DYNC2I1: variants seen among roughly 807,000 people sequenced by gnomAD.
DYNC2I1 encodes the protein cytoplasmic dynein 2 intermediate chain 1.
DYNC2I1 carries 89 observed loss-of-function variants against 133.4 expected under a neutral mutation model. That is an observed-to-expected ratio of 0.67 (90% CI 0.56 to 0.80). The LOEUF (loss-of-function observed/expected upper bound fraction) is 0.80, where lower values mean the gene tolerates loss of function less well. Among genes scored for constraint, DYNC2I1 ranks in the 30% least tolerant of loss-of-function variants. The probability of loss-of-function intolerance (pLI) is 0.00; values close to 1 mark genes in which losing one functional copy is unlikely to be tolerated. For missense variants in DYNC2I1, 1,291 were observed against 1,314.5 expected (o/e 0.98, Z 0.28); for synonymous variants, 504 against 484.3 (o/e 1.04, Z -0.54).
chr7:158,918,799 G>T lies in DYNC2I1; in HGVS notation c.1851G>T (p.Arg617Ser), dbSNP rs1848735279. ...CAGCTGAACCCAGCTGGAATCTTAG[G>T]GCTCAAGACAGGGCCCTGTATTTTA... ...RLAAEPSWNLRAQDRALYFSD... is the reference protein window; with the variant it reads ...RLAAEPSWNLSAQDRALYFSD... Residue 617 changes from arginine (R) to serine (S), a missense_variant, in exon 15 of 25, where the codon AGG (arginine) becomes AGT (serine). Coordinates refer to ENST00000407559, the MANE Select transcript of DYNC2I1 (RefSeq NM_018051.5). The T allele has an allele frequency of 6.2e-7, 1 of 1,613,864 alleles. No homozygotes were observed. The highest frequency in any genetic ancestry group is 2.2e-5 in the East Asian group (1 of 44,884).
intron 7 of DYNC2I1, among the ~76,000 whole-genome samples, chr7:158,890,005 CAA>C (rs35423707): frequency 0.085 from 5,725 of 67,686 alleles, 106 homozygotes; most frequent in African/African-American, 0.13. Flanking sequence ...GACTCCTTCT[CAA>C]AAAAAAAAAA....
rs141690311 is a variant in DYNC2I1 at position 158,888,850 on chromosome 7, CTGT to C, written c.990+1780_990+1782del. ...TTACATAAATTAGGTCATACAGCAC[CTGT>C]TGTTTTGACGTGGATGTTTTATTTC... On this transcript the variant is annotated intron_variant, in intron 7 of 24. Coordinates refer to ENST00000407559, the MANE Select transcript of DYNC2I1 (RefSeq NM_018051.5). 9.1e-3 allele frequency among the ~76,000 whole-genome samples: 1,390 copies of C among 152,200 alleles called. 10 individuals carry two copies. The highest frequency in any genetic ancestry group is 0.03 in the African/African-American group (1,262 of 41,534).
intron 4 of DYNC2I1, among the ~76,000 whole-genome samples, chr7:158,879,157 A>G (rs1269886744): frequency 3.9e-5 from 6 of 152,154 alleles, no homozygotes; most frequent in African/African-American, 1.2e-4. Context: ...GTGTCTGACC[A>G]TGGACCATGA....
chr7:158,933,740 A>G (rs1850459676), intron 21 of DYNC2I1, among the ~76,000 whole-genome samples: 1 of 152,264 alleles, frequency 6.6e-6, no homozygotes, highest in Non-Finnish European at 1.5e-5. Context: ...AGTCTGCTGC[A>G]GATGAGCTCA....
chr7:158,922,142 T>C (rs947229226), intron 15 of DYNC2I1, among the ~76,000 whole-genome samples: 4 of 152,126 alleles, frequency 2.6e-5, no homozygotes, highest in Non-Finnish European at 4.4e-5. Context: ...GCCACAGGTG[T>C]CTTGGGCTGC....
chr7:158,884,281 G>A (rs1844376643), intron 5 of DYNC2I1, among the ~76,000 whole-genome samples: 1 of 151,792 alleles, frequency 6.6e-6, no homozygotes, highest in African/African-American at 2.4e-5. Context: ...CCGACCTCAG[G>A]TGATGCGCCC....
chr7:158,917,644 C>T lies in DYNC2I1; in HGVS notation c.1792-1096C>T, dbSNP rs71547585. Among the ~76,000 whole-genome samples the T allele has an allele frequency of 5.4e-3, 654 of 121,272 alleles. 14 individuals carry two copies. The highest frequency in any genetic ancestry group is 0.023 in the African/African-American group (607 of 26,644). 79.6% of individuals were successfully genotyped at this position (121,272 alleles called of 152,430 possible). On this transcript the variant is annotated intron_variant, in intron 14 of 24. Coordinates refer to ENST00000407559, the MANE Select transcript of DYNC2I1 (RefSeq NM_018051.5). Reference sequence around the variant, plus strand: ...CTCCTGTCCTCCACACTCCACCCTCCGCCTCTCGCTAAACACCCCCTGCCC... The same window carrying T: ...CTCCTGTCCTCCACACTCCACCCTCTGCCTCTCGCTAAACACCCCCTGCCC...
At chr7:158,892,177 C>G (rs1845292336) in intron 8 of DYNC2I1, among the ~76,000 whole-genome samples, 1 of 152,164 alleles carries the variant, frequency 6.6e-6, no homozygotes, top group African/African-American at 2.4e-5. Flanking sequence ...ACTGTAGTTT[C>G]AAAATCCTGG....
At chr7:158,920,895 C>A (rs540738334) in intron 15 of DYNC2I1, among the ~76,000 whole-genome samples, 1 of 152,220 alleles carries the variant, frequency 6.6e-6, no homozygotes, top group East Asian at 1.9e-4. Flanking sequence ...TTAAAACACG[C>A]GGCAGAATGA....
At chr7:158,899,497 T>C (rs1160977401) in intron 8 of DYNC2I1, among the ~76,000 whole-genome samples, 1 of 152,240 alleles carries the variant, frequency 6.6e-6, no homozygotes, top group Non-Finnish European at 1.5e-5. Context: ...CTTTTTTTTA[T>C]ATAGACCCAA....
At chr7:158,843,974 G>A in the DYNC2I1 span, among the ~76,000 whole-genome samples, 12 of 152,296 alleles carry the variant, frequency 7.9e-5, no homozygotes, top group African/African-American at 2.9e-4. Flanking sequence ...AGGCACCGGT[G>A]AGTGTGAATC....
intron 3 of DYNC2I1, among the ~76,000 whole-genome samples, chr7:158,875,425 C>T (rs114208165): frequency 2.0e-4 from 30 of 152,158 alleles, no homozygotes; most frequent in African/African-American, 6.3e-4. Context: ...TGCACTTTGC[C>T]TCAGTGATCT....
intron 23 of DYNC2I1, among the ~76,000 whole-genome samples, chr7:158,939,692 G>C (rs1851131967): frequency 6.6e-6 from 1 of 152,094 alleles, no homozygotes; most frequent in African/African-American, 2.4e-5. Flanking sequence ...AATGGTTAAA[G>C]AAACAAGACC....
intron 7 of DYNC2I1, among the ~76,000 whole-genome samples, chr7:158,888,039 T>TTTTA (rs1844784319): frequency 6.7e-6 from 1 of 148,692 alleles, no homozygotes; most frequent in African/African-American, 2.5e-5. Context: ...TTTTTTTTTT[T>TTTTA]TTTTGAGACA....
rs372029219 is a variant in DYNC2I1, at chr7:158,911,555, G to A, written c.1466G>A (p.Arg489Gln). ...SRTQALKQKM[R>Q]STKLLRLIDL... ...GTTTCCAATTTATTTCAAAGGATGC[G>A]AAGTACAAAACTGCTTCGGCTCATT... Residue 489 changes from arginine to glutamine, a missense_variant, in exon 12 of 25, where the codon CGA becomes CAA. Transcript: ENST00000407559. 35 of 1,612,202 alleles carry A rather than the reference G, an allele frequency of 2.2e-5. No individual in the cohort carries two copies. The highest frequency in any genetic ancestry group is 1.8e-4 in the Admixed American group (11 of 59,688).
downstream of DYNC2I1, among the ~76,000 whole-genome samples, chr7:158,950,358 C>T (rs1402770912): frequency 2.0e-5 from 3 of 152,246 alleles, no homozygotes; most frequent in Non-Finnish European, 4.4e-5. Flanking sequence ...AGCCACTGTG[C>T]CTGGCCTAAG....
chr7:158,850,921 A>G, the DYNC2I1 span, among the ~76,000 whole-genome samples: 1 of 151,870 alleles, frequency 6.6e-6, no homozygotes, highest in East Asian at 1.9e-4. Flanking sequence ...GCTGGAGTCT[A>G]CGGAGCCTGA....
intron 10 of DYNC2I1, chr7:158,903,237 T>A (rs1200689886): frequency 6.6e-6 from 1 of 152,220 alleles, no homozygotes; most frequent in African/African-American, 2.4e-5. Context: ...AGGACCTTTT[T>A]AAATTAAATT....
chr7:158,907,273 CTTTTTT>C (rs36062364), intron 11 of DYNC2I1, among the ~76,000 whole-genome samples: 2 of 99,746 alleles, frequency 2.0e-5, no homozygotes, highest in African/African-American at 7.4e-5. Context: ...CCATGGCCTT[CTTTTTT>C]TTTTTTTTTT....
Sources: allele counts gnomAD v4.1 joint callset (sites outside exome capture counted in the v4.1 genomes callset), GRCh38; gene constraint gnomAD v4.1.1; transcripts MANE v1.5; gene names NCBI Gene and HGNC (gene_info 2026-07-23, HGNC 2026-07-21).